B9D2: variants seen among roughly 807,000 people sequenced by gnomAD.
B9D2 encodes B9 domain containing 2, also known as B9 domain-containing protein 2.
B9D2 carries 21 observed loss-of-function variants against 19.2 expected under a neutral mutation model. The ratio of observed to expected loss-of-function variants is 1.09; its 90% CI spans 0.78 to 1.58. B9D2 has a LOEUF of 1.58. Ranked by LOEUF, B9D2 falls within the 40% of genes most tolerant of loss-of-function variation. The pLI is 0.00. For missense variants in B9D2, 221 were observed against 244.3 expected, an observed-to-expected ratio of 0.90 and a Z score of 0.64; for synonymous variants, 91 against 100.6, an observed-to-expected ratio of 0.90 and a Z score of 0.57.
chr19:41,363,378 T>C, intron 2 of B9D2, 54 bp downstream of exon 2: 1 of 1,566,086 alleles, frequency 6.4e-7, no homozygotes, highest in Admixed American at 1.7e-5. Flanking sequence ...AAGGAGCATG[T>C]AGCCTCTAGG....
At chr19:41,360,744 GGTGATC>G (rs2038392078) in intron 2 of B9D2, among the ~76,000 whole-genome samples, 1 of 152,020 alleles carries the variant, frequency 6.6e-6, no homozygotes, top group Admixed American at 6.5e-5. Context: ...CCTGACCTCA[GGTGATC>G]TGCCCGCCTC....
chr19:41,361,764 G>C (rs1347573215), intron 2 of B9D2, among the ~76,000 whole-genome samples: 2 of 59,130 alleles, frequency 3.4e-5, no homozygotes, highest in African/African-American at 1.4e-4. Context: ...CTCTAGCTTG[G>C]CTACAGAGTG....
intron 2 of B9D2, among the ~76,000 whole-genome samples, chr19:41,359,617 C>G (rs995591378): frequency 2.0e-5 from 3 of 151,938 alleles, no homozygotes; most frequent in Non-Finnish European, 4.4e-5. Context: ...GCAGGAGAAT[C>G]ACTTGAACCC....
In B9D2 at chr19:41,355,971, T is replaced by TG. The variant is rs34412754; in HGVS notation, c.215-959dup. ...GAGGGAACAGCAAGTGCCAAGGCCCTGGGGGGGGACTGTCTGGTGGGGACA... is the reference window on the plus strand; with the variant it reads ...GAGGGAACAGCAAGTGCCAAGGCCCTGGGGGGGGGACTGTCTGGTGGGGACA... On this transcript the variant is annotated intron_variant, in intron 3 of 3. Transcript: ENST00000243578. 2.9e-4 allele frequency among the ~76,000 whole-genome samples: 44 copies of TG among 151,666 alleles called. 1 individual carries two copies. The highest frequency in any genetic ancestry group is 3.9e-4 in the Admixed American group (6 of 15,234).
At chr19:41,362,715 G>A (rs975421184) in intron 2 of B9D2, among the ~76,000 whole-genome samples, 25 of 152,286 alleles carry the variant, frequency 1.6e-4, no homozygotes, top group Admixed American at 4.6e-4. Context: ...GCCTTAACAA[G>A]CAATAACTGG....
At chr19:41,355,041 G>A in intron 3 of B9D2, 28 bp from the exon 4 acceptor site, 2 of 1,543,884 alleles carry the variant, frequency 1.3e-6, no homozygotes, top group Non-Finnish European at 1.8e-6. Context: ...GAGGGGAAAG[G>A]AGGGATGGGT....
intron 2 of B9D2, among the ~76,000 whole-genome samples, chr19:41,359,489 T>G (rs899342605): frequency 1.3e-5 from 2 of 151,904 alleles, no homozygotes; most frequent in African/African-American, 4.8e-5. Flanking sequence ...GATCACAAGG[T>G]CAAGAGATCG....
At chr19:41,361,638 A>C (rs1328083431) in intron 2 of B9D2, among the ~76,000 whole-genome samples, 2 of 135,572 alleles carry the variant, frequency 1.5e-5, no homozygotes, top group African/African-American at 5.6e-5. Context: ...AAATACAAAA[A>C]TTAGCTGGGT....
chr19:41,358,695 G>T (rs1599906716), intron 2 of B9D2, among the ~76,000 whole-genome samples: 1 of 152,176 alleles, frequency 6.6e-6, no homozygotes, highest in Non-Finnish European at 1.5e-5. Flanking sequence ...CTACTGAGGG[G>T]TGATAATGAT....
At position 41,362,421 on chromosome 19, in the gene B9D2, A is replaced by G. The variant is rs2038425285; in HGVS notation, c.88+1011T>C. ...GGGACTAGGACTCAGGCCTGAAGACATGATAATGCCAAATGGCCACATCTG... is the reference window on the plus strand; with the variant it reads ...GGGACTAGGACTCAGGCCTGAAGACGTGATAATGCCAAATGGCCACATCTG... On this transcript the variant is annotated intron_variant, in intron 2 of 3. Coordinates refer to ENST00000243578, the MANE Select transcript of B9D2 (RefSeq NM_030578.4). Among the ~76,000 whole-genome samples, 5 of 151,422 alleles carry G rather than the reference A, an allele frequency of 3.3e-5. 1 individual carries two copies. In the South Asian group the frequency reaches 1.0e-3, roughly 32 times the overall value.
intron 2 of B9D2, 74 bp downstream of exon 2, chr19:41,363,357 AG>A: frequency 4.9e-6 from 7 of 1,434,670 alleles, no homozygotes; most frequent in Non-Finnish European, 6.9e-6. Flanking sequence ...GTCTGCGTTA[AG>A]GGGTGGAGGA....
rs1450148693 is a variant in B9D2, at chr19:41,357,936, G to A, written c.175C>T (p.His59Tyr). ...GTGGCGAAGTGCAGGTCGATGGGGT[G>A]GGACCAGTAAGCCATGTCCCCTATC... The part of the protein sequence containing the change: ...PQIGDMAYWS[H>Y]PIDLHFATKG... The change falls in exon 3 of 4, where the codon CAC becomes TAC. Residue 59 changes from histidine to tyrosine, a missense_variant. Coordinates refer to ENST00000243578, the MANE Select transcript of B9D2 (RefSeq NM_030578.4). 6.2e-7 allele frequency: 1 copy of A among 1,614,170 alleles called. No homozygotes were observed. The highest frequency in any genetic ancestry group is 1.1e-5 in the South Asian group (1 of 91,076).
chr19:41,359,580 A>T (rs970164955), intron 2 of B9D2, among the ~76,000 whole-genome samples: 11 of 151,886 alleles, frequency 7.2e-5, no homozygotes, highest in African/African-American at 2.7e-4. Context: ...GCGCACGCCC[A>T]TAGTCCCAGC....
chr19:41,360,733 T>G (rs2038391988), intron 2 of B9D2, among the ~76,000 whole-genome samples: 1 of 152,144 alleles, frequency 6.6e-6, no homozygotes, highest in Non-Finnish European at 1.5e-5. Flanking sequence ...GGTCTCAAAC[T>G]CCTGACCTCA....
intron 2 of B9D2, among the ~76,000 whole-genome samples, chr19:41,361,849 G>A (rs1300316202): frequency 1.6e-5 from 1 of 60,936 alleles, no homozygotes; most frequent in Non-Finnish European, 3.3e-5. Flanking sequence ...GAAGGCCTAC[G>A]CAGGCGGATC....
intron 3 of B9D2, among the ~76,000 whole-genome samples, chr19:41,355,299 G>A (rs2038295554): frequency 6.6e-6 from 1 of 152,026 alleles, no homozygotes; most frequent in African/African-American, 2.4e-5. Flanking sequence ...AACATTCAAG[G>A]CCCTTCTAAT....
At chr19:41,363,366 G>C (rs1326810439) in intron 2 of B9D2, 66 bp downstream of exon 2, 2 of 1,507,240 alleles carry the variant, frequency 1.3e-6, no homozygotes, top group African/African-American at 2.8e-5. Context: ...AAGGGGTGGA[G>C]GAAGGAGCAT....
At chr19:41,356,706 C>A (rs1335041593) in intron 3 of B9D2, among the ~76,000 whole-genome samples, 1 of 151,752 alleles carries the variant, frequency 6.6e-6, no homozygotes, top group African/African-American at 2.4e-5. Flanking sequence ...CAAAAATTAG[C>A]CAGATGTGGT....
At chr19:41,358,911 G>C (rs1173780642) in intron 2 of B9D2, among the ~76,000 whole-genome samples, 3 of 144,582 alleles carry the variant, frequency 2.1e-5, no homozygotes, top group Admixed American at 1.4e-4. Flanking sequence ...AGGAGGCTTA[G>C]GGGGGGGTGG....
Sources: gnomAD v4.1 joint callset for allele counts (sites outside exome capture counted in the v4.1 genomes callset) on GRCh38, gnomAD v4.1.1 for gene constraint, MANE v1.5 for transcripts, NCBI Gene and HGNC (gene_info 2026-07-23, HGNC 2026-07-21) for gene names.